NBEAL1: variants seen among roughly 807,000 people sequenced by gnomAD.
NBEAL1 encodes neurobeachin-like protein 1.
In NBEAL1, 273 loss-of-function variants were observed where a neutral mutation model predicts 351.3. The observed-to-expected ratio is 0.78, with a 90% CI of 0.70 to 0.86. The LOEUF is 0.86. NBEAL1 is among the 40% of genes least tolerant of loss of function. The pLI, the probability that NBEAL1 is intolerant of heterozygous loss-of-function variation, is 0.00. For synonymous variants in NBEAL1, 1,050 were observed against 1,086.4 expected, an observed-to-expected ratio of 0.97 and a Z score of 0.66; for missense variants, 2,961 against 3,201.3, an observed-to-expected ratio of 0.92 and a Z score of 1.81.
chr2:203,132,294 G>A (rs1441123311), intron 26 of NBEAL1, among the ~76,000 whole-genome samples, 162 bp downstream of exon 26: 1 of 151,932 alleles, frequency 6.6e-6, no homozygotes. Context: ...TTGTCTCCCC[G>A]GGGCGTAGCA....
At chr2:203,071,657 T>G (rs533269007) in intron 7 of NBEAL1, among the ~76,000 whole-genome samples, 33 of 152,356 alleles carry the variant, frequency 2.2e-4, no homozygotes, top group African/African-American at 7.7e-4. Flanking sequence ...TCTAAATATC[T>G]AAATCTGATA....
At chr2:203,069,419 C>T (rs142963164) in intron 7 of NBEAL1, among the ~76,000 whole-genome samples, 319 of 152,212 alleles carry the variant, frequency 2.1e-3, no homozygotes, top group Non-Finnish European at 3.4e-3. Flanking sequence ...GGAAACCCAG[C>T]CTGCCAGTAG....
chr2:203,036,081 C>A (rs1055448101), intron 2 of NBEAL1, among the ~76,000 whole-genome samples: 5 of 149,300 alleles, frequency 3.3e-5, no homozygotes, highest in Non-Finnish European at 6.0e-5. Flanking sequence ...GGCTCCAGCA[C>A]TCCTGCACTA....
intron 8 of NBEAL1, among the ~76,000 whole-genome samples, chr2:203,078,382 C>T (rs2061815200): frequency 6.6e-6 from 1 of 152,002 alleles, no homozygotes; most frequent in Non-Finnish European, 1.5e-5. Context: ...CTGTGTTTCC[C>T]AGGCTGGAGT....
At chr2:203,200,223 C>G (rs1047118600) in intron 49 of NBEAL1, among the ~76,000 whole-genome samples, 1 of 152,052 alleles carries the variant, frequency 6.6e-6, no homozygotes, top group Non-Finnish European at 1.5e-5. Flanking sequence ...ACTAAAAATA[C>G]AAAAATTGGC....
rs1386348382 is a variant in NBEAL1 at position 203,014,915 on chromosome 2, G to C, written c.-297G>C. On this transcript the variant is annotated 5_prime_UTR_variant, in exon 1 of 56. Transcript: ENST00000683969. ...TGGCTGCGGGGTGACACGGGGCTTCGCCTTGGGAAGGGGTCGAGGGAAGCA... is the reference window on the plus strand; with the variant it reads ...TGGCTGCGGGGTGACACGGGGCTTCCCCTTGGGAAGGGGTCGAGGGAAGCA... The C allele has an allele frequency of 6.6e-6, 1 of 152,348 alleles. No individual in the cohort carries two copies. The highest frequency in any genetic ancestry group is 1.5e-5 in the Non-Finnish European group (1 of 68,154). The allele number at this position is 152,348 out of a possible 1,614,324, so 9.4% of individuals were successfully genotyped here.
chr2:203,153,837 G>T (rs1376897864), intron 35 of NBEAL1, among the ~76,000 whole-genome samples: 2 of 152,046 alleles, frequency 1.3e-5, no homozygotes, highest in African/African-American at 2.4e-5. Context: ...CTTCCATAAA[G>T]TTCCCTCTGT....
intron 18 of NBEAL1, among the ~76,000 whole-genome samples, chr2:203,119,486 C>A (rs2062781411): frequency 7.7e-6 from 1 of 129,652 alleles, no homozygotes; most frequent in Middle Eastern, 5.6e-3. Flanking sequence ...AGTGCAGTGG[C>A]GCAATCTTGG....
At chr2:203,124,364 A>G (rs1009483585) in intron 19 of NBEAL1, among the ~76,000 whole-genome samples, 1 of 152,174 alleles carries the variant, frequency 6.6e-6, no homozygotes, top group African/African-American at 2.4e-5. Context: ...ACAAAGTAGC[A>G]GATATGTAGG....
intron 47 of NBEAL1, among the ~76,000 whole-genome samples, chr2:203,195,180 CA>C (rs758936224): frequency 7.6e-4 from 95 of 124,256 alleles, no homozygotes; most frequent in Admixed American, 1.3e-3. Context: ...GACTCCATCT[CA>C]AAAAAAAAAA....
At chr2:203,148,863 T>C (rs1051463203) in intron 33 of NBEAL1, 128 bp from the exon 34 acceptor site, 48 of 644,034 alleles carry the variant, frequency 7.5e-5, no homozygotes, top group Non-Finnish European at 1.1e-4. Context: ...GAAAAGCCTA[T>C]TGGTTACTTA....
At chr2:203,040,114 G>C (rs1333292254) in intron 2 of NBEAL1, 18 of 1,032,028 alleles carry the variant, frequency 1.7e-5, no homozygotes, top group Non-Finnish European at 2.1e-5. Flanking sequence ...AAAGATGGCA[G>C]AGCAAGAGCA....
At chr2:203,037,612 G>C (rs993941969) in intron 2 of NBEAL1, among the ~76,000 whole-genome samples, 1 of 148,516 alleles carries the variant, frequency 6.7e-6, no homozygotes, top group African/African-American at 2.4e-5. Flanking sequence ...CTTTGCAGTC[G>C]GTCCTCCCAG....
At chr2:203,092,635 A>T (rs1007028886) in intron 10 of NBEAL1, among the ~76,000 whole-genome samples, 1 of 152,334 alleles carries the variant, frequency 6.6e-6, no homozygotes, top group South Asian at 2.1e-4. Context: ...AGAGAGCTTC[A>T]TAAAGCCTTT....
At chr2:203,187,367 GT>G (rs71034225) in intron 44 of NBEAL1, among the ~76,000 whole-genome samples, 70 of 87,786 alleles carry the variant, frequency 8.0e-4, no homozygotes, top group Middle Eastern at 7.9e-3. Flanking sequence ...TCTTGCAATG[GT>G]TTTTTTTTTT....
chr2:203,180,284 T>C, intron 42 of NBEAL1, 98 bp from the exon 43 acceptor site: 1 of 1,051,390 alleles, frequency 9.5e-7, no homozygotes, highest in Non-Finnish European at 1.4e-6. Context: ...ACAGTACCTC[T>C]AATCATTAGG....
At position 203,021,593 on chromosome 2, in the gene NBEAL1, TA is replaced by T. The variant is rs34159977; in HGVS notation, c.51+5170del. Among the ~76,000 whole-genome samples, 827 of 147,080 alleles carry T rather than the reference TA, an allele frequency of 5.6e-3. 2 individuals carry two copies. Among genetic ancestry groups the T allele is most frequent in the Admixed American group, 6.4e-3 (94 of 14,764 alleles). ...CTGGGTGACAGAGTGAGACCCCATTTAAAAAAAAAAAATTAGTTTATATATA... is the reference window on the plus strand; with the variant it reads ...CTGGGTGACAGAGTGAGACCCCATTTAAAAAAAAAAATTAGTTTATATATA... On this transcript the variant is annotated intron_variant, in intron 2 of 55. Transcript: ENST00000683969.
intron 2 of NBEAL1, among the ~76,000 whole-genome samples, chr2:203,018,539 G>A (rs1490083140): frequency 1.3e-5 from 2 of 151,960 alleles, no homozygotes; most frequent in Admixed American, 6.6e-5. Context: ...CAGTATTCAG[G>A]TTTTTGTTTG....
At chr2:203,203,445 G>A (rs1337064353) in intron 51 of NBEAL1, among the ~76,000 whole-genome samples, 4 of 152,104 alleles carry the variant, frequency 2.6e-5, no homozygotes, top group Non-Finnish European at 5.9e-5. Context: ...AAAGTGCTGG[G>A]ATTATAGGTA....
Sources: allele counts gnomAD v4.1 joint callset (sites outside exome capture counted in the v4.1 genomes callset), GRCh38; gene constraint gnomAD v4.1.1; transcripts MANE v1.5; gene names NCBI Gene and HGNC (gene_info 2026-07-23, HGNC 2026-07-21).